A2M: variants seen among roughly 807,000 people sequenced by gnomAD.
A2M encodes the protein alpha-2-macroglobulin, also known as C3 and PZP-like alpha-2-macroglobulin domain-containing protein 5.
A2M carries 128 observed loss-of-function variants against 183.9 expected under a neutral mutation model. The observed-to-expected ratio is 0.70, with a 90% CI of 0.60 to 0.81. A2M has a LOEUF of 0.81. Ranked by LOEUF, A2M falls within the 30% of genes least tolerant of loss-of-function variation. A2M has a pLI of 0.00. For missense variants in A2M, 1,495 were observed against 1,787.6 expected, an observed-to-expected ratio of 0.84 and a Z score of 2.95; for synonymous variants, 592 against 670.8, an observed-to-expected ratio of 0.88 and a Z score of 1.81.
In A2M at chr12:9,115,783, C is replaced by T. The variant is rs376129998; in HGVS notation, c.67G>A (p.Ala23Thr). ...LLLLVLLPTDASVSGKPQYMV... is the reference protein window; with the variant it reads ...LLLLVLLPTDTSVSGKPQYMV... ...ACTCACGGTTTTCCAGAGACTGAGG[C>T]GTCTGTGGGCAGGAGGACCAAGAGG... Residue 23 changes from alanine (A) to threonine (T), a missense_variant, in exon 1 of 36, where the codon GCC becomes ACC. Coordinates refer to ENST00000318602, the MANE Select transcript of A2M (RefSeq NM_000014.6). The T allele has an allele frequency of 2.1e-4, 332 of 1,613,034 alleles. No individual in the cohort carries two copies. The highest frequency in any genetic ancestry group is 2.7e-4 in the Non-Finnish European group (323 of 1,179,238).
chr12:9,106,389 G>A (rs1238639038), intron 9 of A2M, 44 bp from the exon 10 acceptor site: 3 of 1,490,790 alleles, frequency 2.0e-6, no homozygotes, highest in Non-Finnish European at 2.8e-6. Flanking sequence ...GAAGAATGAT[G>A]TCTCTAAAAT....
Position 9,068,827 on chromosome 12 carries a change from G to T in A2M, c.4279C>A (p.Leu1427Met), listed in dbSNP as rs977089869. The T allele has an allele frequency of 6.3e-7, 1 of 1,599,408 alleles. No individual in the cohort carries two copies. The highest frequency in any genetic ancestry group is 1.3e-5 in the African/African-American group (1 of 74,742). The change falls in exon 34 of 36, where the codon CTG (leucine) becomes ATG (methionine). Residue 1427 changes from leucine (L) to methionine (M), a missense_variant. Coordinates refer to ENST00000318602, the MANE Select transcript of A2M (RefSeq NM_000014.6). ...IYLDKVSNQT[L>M]SLFFTVLQDV... ...TGCAGAACCGTGAAGAACAAGCTCA[G>T]TGTCTGATTTGACACCTGGAAAGCA... is the stretch of plus-strand genomic sequence containing the variant.
At chr12:9,107,688 C>T (rs763421306) in intron 7 of A2M, 44 bp from the exon 8 acceptor site, 1 of 1,603,224 alleles carries the variant, frequency 6.2e-7, no homozygotes, top group Admixed American at 1.7e-5. Context: ...AGACACTGAA[C>T]CTCCCCATTT....
Position 9,109,343 on chromosome 12 carries a change from T to C in A2M, c.736A>G (p.Met246Val). 1 of 1,613,226 alleles carries C rather than the reference T, an allele frequency of 6.2e-7. No individual in the cohort carries two copies. The highest frequency in any genetic ancestry group is 1.7e-4 in the Middle Eastern group (1 of 6,056). Residue 246 changes from methionine to valine, a missense_variant, in exon 7 of 36, where the codon ATG becomes GTG. Met to Val is a conservative substitution (Grantham distance 21). Transcript: ENST00000318602. ...PKIITILEEEMNVSVCGLYTY... is the reference protein window; with the variant it reads ...PKIITILEEEVNVSVCGLYTY... ...CACAGGCCACACACTGATACATTCATCTCTTCTTCCAAGATGGTGATTATC... is the reference window on the plus strand; with the variant it reads ...CACAGGCCACACACTGATACATTCACCTCTTCTTCCAAGATGGTGATTATC...
chr12:9,068,250 A>C, intron 34 of A2M, 26 bp from the exon 35 acceptor site: 1 of 1,600,616 alleles, frequency 6.2e-7, no homozygotes, highest in Non-Finnish European at 8.5e-7. Flanking sequence ...CCAACAAAAA[A>C]CCAGAAATCA....
chr12:9,095,468 TAC>T (rs1310964855), intron 16 of A2M, 69 bp downstream of exon 16: 163 of 1,464,778 alleles, frequency 1.1e-4, no homozygotes, highest in Non-Finnish European at 1.4e-4. Context: ...GGCATTCAAA[TAC>T]AGACTCTTTT....
At chr12:9,110,409 T>C (rs1938636210) in intron 4 of A2M, 75 bp from the exon 5 acceptor site, 1 of 883,558 alleles carries the variant, frequency 1.1e-6, no homozygotes, top group South Asian at 1.8e-5. Context: ...GCAAAGCAGC[T>C]AGTATTTGCT....
chr12:9,071,100 G>A (rs6487581), intron 31 of A2M, among the ~76,000 whole-genome samples: 59,249 of 151,814 alleles, frequency 0.39, 12,551 homozygotes, highest in African/African-American at 0.54. Flanking sequence ...GATTACAGGC[G>A]TGAGCCACCA....
At chr12:9,093,919 CA>C (rs1397653162) in intron 17 of A2M, among the ~76,000 whole-genome samples, 6 of 146,058 alleles carry the variant, frequency 4.1e-5, no homozygotes, top group South Asian at 2.2e-4. Context: ...AAACAAACAA[CA>C]AAAAAAAACA....
At chr12:9,106,091 T>G in intron 10 of A2M, 145 bp downstream of exon 10, 2 of 532,740 alleles carry the variant, frequency 3.8e-6, no homozygotes, top group Non-Finnish European at 6.7e-6. Flanking sequence ...CCTTTGGTTA[T>G]ACTAATCAAG....
intron 22 of A2M, among the ~76,000 whole-genome samples, chr12:9,087,957 A>G (rs961577615): frequency 6.6e-6 from 1 of 152,150 alleles, no homozygotes; most frequent in African/African-American, 2.4e-5. Flanking sequence ...AATAGTTGAA[A>G]AAACCAATAT....
intron 27 of A2M, 65 bp downstream of exon 27, chr12:9,077,281 C>G: frequency 7.1e-7 from 1 of 1,407,140 alleles, no homozygotes. Flanking sequence ...GTATTTCAGA[C>G]AGCAGGTCAG....
chr12:9,091,085 A>G (rs968967762), intron 19 of A2M, 116 bp downstream of exon 19: 6 of 1,279,554 alleles, frequency 4.7e-6, no homozygotes, highest in Admixed American at 2.5e-5. Context: ...AACTTTTACA[A>G]TCATGAATAT....
At chr12:9,099,635 A>T (rs1430859268) in intron 13 of A2M, 112 bp from the exon 14 acceptor site, 1 of 1,295,174 alleles carries the variant, frequency 7.7e-7, no homozygotes, top group African/African-American at 1.5e-5. Context: ...ATTACCTCTA[A>T]GGACTCTAGC....
chr12:9,084,658 G>A (rs907134402), intron 22 of A2M, among the ~76,000 whole-genome samples: 1 of 152,100 alleles, frequency 6.6e-6, no homozygotes, highest in African/African-American at 2.4e-5. Context: ...CAAAATGGTA[G>A]TACCAAGTCA....
chr12:9,099,863 T>G (rs1441942111), intron 13 of A2M, among the ~76,000 whole-genome samples: 1 of 152,218 alleles, frequency 6.6e-6, no homozygotes, highest in East Asian at 1.9e-4. Context: ...TTCAACACAT[T>G]GTATTCATGC....
At chr12:9,095,518 T>C (rs1949346235) in intron 16 of A2M, 21 bp downstream of exon 16, 1 of 1,602,020 alleles carries the variant, frequency 6.2e-7, no homozygotes, top group Non-Finnish European at 8.5e-7. Flanking sequence ...GATCAGACCA[T>C]CTGCAACATA....
chr12:9,090,628 T>C, intron 19 of A2M, 146 bp from the exon 20 acceptor site: 2 of 787,204 alleles, frequency 2.5e-6, no homozygotes, highest in South Asian at 3.7e-5. Flanking sequence ...ACCTGAAATA[T>C]ATTTAAGTGG....
rs754380409 is a variant in A2M at position 9,112,365 on chromosome 12, G to C, written c.430+12C>G. 1 of 1,610,886 alleles carries C rather than the reference G, an allele frequency of 6.2e-7. No homozygotes were observed. Among genetic ancestry groups the C allele is most frequent in the Non-Finnish European group, 8.5e-7 (1 of 1,177,444 alleles). On this transcript the variant is annotated intron_variant, in intron 3 of 35. Coordinates refer to ENST00000318602, the MANE Select transcript of A2M (RefSeq NM_000014.6). Reference sequence around the variant, plus strand: ...CTTTTTGAAGTTGTCCTGTCTGTAGGCTTCTTCATACCTGTCTGCCCTGGT... The same window carrying C: ...CTTTTTGAAGTTGTCCTGTCTGTAGCCTTCTTCATACCTGTCTGCCCTGGT...
Sources: gnomAD v4.1 joint callset for allele counts (sites outside exome capture counted in the v4.1 genomes callset) on GRCh38, gnomAD v4.1.1 for gene constraint, MANE v1.5 for transcripts, NCBI Gene and HGNC (gene_info 2026-07-23, HGNC 2026-07-21) for gene names.